Variants in LRRCC1 observed in about 807,000 individuals in gnomAD.
The protein encoded by LRRCC1 is leucine rich repeat and coiled-coil centrosomal protein 1, also known as leucine-rich repeat and coiled-coil domain-containing protein 1.
In LRRCC1, 115 loss-of-function variants were observed where a neutral mutation model predicts 126.0. The observed-to-expected ratio is 0.91, with a 90% confidence interval of 0.78 to 1.07. LRRCC1 has a LOEUF of 1.07. Ranked by LOEUF, LRRCC1 falls within the 50% of genes least tolerant of loss-of-function variation. The probability of loss-of-function intolerance (pLI) is 0.00; values close to 1 mark genes in which losing one functional copy is unlikely to be tolerated. For synonymous variants in LRRCC1, 400 were observed against 393.4 expected (o/e 1.02, Z -0.20); for missense variants, 1,172 against 1,175.7 (o/e 1.00, Z 0.05).
At position 85,115,584 on chromosome 8, in the gene LRRCC1, A is replaced by G. The variant is rs1809056105; in HGVS notation, c.930A>G (p.Glu310=). Residue 310 remains glutamate, a splice_region_variant and synonymous_variant, in exon 6 of 19, where the codon GAA becomes GAG. Coordinates refer to ENST00000360375, the MANE Select transcript of LRRCC1 (RefSeq NM_033402.5). Reference sequence around the variant, plus strand: ...ACCAAATTCTACAACTTCTAAATGAAGTAACTATTTTTCCTACTTCTCTAT... The same window carrying G: ...ACCAAATTCTACAACTTCTAAATGAGGTAACTATTTTTCCTACTTCTCTAT... The part of the protein sequence containing the change: ...LDDQILQLLN[E]TSNSIDNVLE... 1 of 1,569,896 alleles carries G rather than the reference A, an allele frequency of 6.4e-7. No individual in the cohort carries two copies. The highest frequency in any genetic ancestry group is 1.4e-5 in the African/African-American group (1 of 73,724).
chr8:85,126,518 A>G (rs1461739833), intron 8 of LRRCC1, among the ~76,000 whole-genome samples, 171 bp from the exon 9 acceptor site: 2 of 152,070 alleles, frequency 1.3e-5, no homozygotes, highest in African/African-American at 2.4e-5. Flanking sequence ...AGATCATGCC[A>G]CTCCACTCCA....
intron 6 of LRRCC1, among the ~76,000 whole-genome samples, chr8:85,116,783 A>G (rs1017749885): frequency 5.3e-5 from 8 of 152,238 alleles, no homozygotes; most frequent in African/African-American, 1.9e-4. Flanking sequence ...ATCCTGAACT[A>G]TTATTTATAT....
chr8:85,117,608 C>T (rs776968270), intron 6 of LRRCC1, among the ~76,000 whole-genome samples: 3 of 151,970 alleles, frequency 2.0e-5, no homozygotes, highest in Non-Finnish European at 4.4e-5. Context: ...TTAACCCTGC[C>T]GAACTGGGAA....
intron 6 of LRRCC1, among the ~76,000 whole-genome samples, chr8:85,116,905 C>T (rs1809168463): frequency 6.6e-6 from 1 of 151,984 alleles, no homozygotes. Context: ...TCAGTTTGAG[C>T]CAATAAGGAG....
intron 18 of LRRCC1, 69 bp downstream of exon 18, chr8:85,141,586 C>A: frequency 6.8e-6 from 8 of 1,177,382 alleles, no homozygotes; most frequent in Middle Eastern, 2.7e-4. Context: ...ATTAGATCTT[C>A]GAGAATTATA....
rs1195367932 is a variant in LRRCC1, at chr8:85,124,954, T to G, written c.1272+15T>G. 6.4e-7 allele frequency: 1 copy of G among 1,552,728 alleles called. No individual in the cohort carries two copies. The highest frequency in any genetic ancestry group is 2.1e-5 in the Admixed American group (1 of 46,816). Reference sequence around the variant, plus strand: ...ACACTTACCAGGTATGATTTAAGAGTTAAAGAAAAAATGAGTATGAATAAT... The same window carrying G: ...ACACTTACCAGGTATGATTTAAGAGGTAAAGAAAAAATGAGTATGAATAAT... On this transcript the variant is annotated intron_variant, in intron 8 of 18. Transcript: ENST00000360375.
chr8:85,139,642 G>C, intron 17 of LRRCC1, among the ~76,000 whole-genome samples: 1 of 152,152 alleles, frequency 6.6e-6, no homozygotes, highest in East Asian at 1.9e-4. Flanking sequence ...AAATGCTCAA[G>C]AGGAAATAAG....
At chr8:85,126,978 C>T (rs7845805) in intron 9 of LRRCC1, 141 bp downstream of exon 9, 59,721 of 667,024 alleles carry the variant, frequency 0.09, 7,634 homozygotes, top group African/African-American at 0.49. Flanking sequence ...TTTTATTAGA[C>T]AATTTAGCAC....
chr8:85,129,035 G>A (rs1011266769), intron 9 of LRRCC1, 140 bp from the exon 10 acceptor site: 18 of 667,292 alleles, frequency 2.7e-5, no homozygotes, highest in Admixed American at 1.9e-4. Flanking sequence ...AGTCTAGCAC[G>A]CTTTCATATA....
At chr8:85,125,923 G>A (rs1809959825) in intron 8 of LRRCC1, among the ~76,000 whole-genome samples, 1 of 151,920 alleles carries the variant, frequency 6.6e-6, no homozygotes, top group Non-Finnish European at 1.5e-5. Flanking sequence ...TTATGACTTT[G>A]GACACACTTC....
rs565219136 is a variant in LRRCC1 at position 85,141,377 on chromosome 8, T to C, written c.2841-5T>C. The C allele has an allele frequency of 6.8e-6, 11 of 1,609,440 alleles. No individual in the cohort carries two copies. In the South Asian group the frequency reaches 1.1e-4, roughly 16 times the overall value. ...TATATATGTGGATGTTCTTGTTTTT[T>C]TAAGGAATGCAATGGAAAAACTTCA... On this transcript the variant is annotated splice_polypyrimidine_tract_variant and splice_region_variant and intron_variant, in intron 17 of 18. Transcript: ENST00000360375.
chr8:85,118,805 T>C (rs1460527475), intron 6 of LRRCC1, among the ~76,000 whole-genome samples: 1 of 152,158 alleles, frequency 6.6e-6, no homozygotes, highest in African/African-American at 2.4e-5. Flanking sequence ...TTCTCCCTGT[T>C]TGTGGATCTC....
chr8:85,139,980 C>G (rs1033077595), intron 17 of LRRCC1, among the ~76,000 whole-genome samples: 7 of 152,266 alleles, frequency 4.6e-5, no homozygotes, highest in Admixed American at 1.3e-4. Context: ...AGTACTAATA[C>G]AAGAACTTTG....
intron 17 of LRRCC1, among the ~76,000 whole-genome samples, chr8:85,139,288 G>A (rs1410611733): frequency 6.6e-6 from 1 of 151,988 alleles, no homozygotes; most frequent in Non-Finnish European, 1.5e-5. Flanking sequence ...TTCCGAGACT[G>A]AGTTTCATTC....
chr8:85,111,965 C>T (rs1024028013), intron 3 of LRRCC1, among the ~76,000 whole-genome samples: 1 of 151,420 alleles, frequency 6.6e-6, no homozygotes, highest in African/African-American at 2.4e-5. Context: ...TGGGTTCCAG[C>T]GATTCTCCTG....
At position 85,126,823 on chromosome 8, in the gene LRRCC1, ACTT is replaced by A; in HGVS notation, c.1408_1410del (p.Leu470del). On this transcript the variant is annotated inframe_deletion, in exon 9 of 19. Coordinates refer to ENST00000360375, the MANE Select transcript of LRRCC1 (RefSeq NM_033402.5). ...AAGAGGATATTCATAGTCTGGCTCT[ACTT>A]ACCACAGATAGGTAAAAAGAAATTA... The A allele has an allele frequency of 1.2e-6, 2 of 1,610,042 alleles. No homozygotes were observed. The highest frequency in any genetic ancestry group is 1.7e-6 in the Non-Finnish European group (2 of 1,178,994).
Position 85,137,413 on chromosome 8 carries a change from C to T in LRRCC1, c.2330-51C>T, listed in dbSNP as rs1443135275. 5.7e-6 allele frequency: 7 copies of T among 1,231,756 alleles called. No homozygotes were observed. The Admixed American group carries it at 1.7e-4, about 30-fold the overall frequency. The allele number at this position is 1,231,756 out of a possible 1,614,324, so 76.3% of individuals were successfully genotyped here. A position where few individuals can be genotyped will look rare whatever the true frequency, so the allele number is the denominator to read the frequency against. ...CAGTTTGTTAGAGTTTAATAAGATA[C>T]AAACCCCCAAGGTGTTTCAAAGTAT... On this transcript the variant is annotated intron_variant, in intron 14 of 18. Transcript: ENST00000360375.
intron 7 of LRRCC1, 147 bp from the exon 8 acceptor site, chr8:85,124,645 T>G (rs1237203200): frequency 2.2e-6 from 1 of 447,266 alleles, no homozygotes; most frequent in Non-Finnish European, 3.9e-6. Context: ...ATTATAAAAT[T>G]TATGAAGCAG....
intron 8 of LRRCC1, 61 bp downstream of exon 8, chr8:85,125,000 A>G (rs1563942117): frequency 8.4e-7 from 1 of 1,196,378 alleles, no homozygotes; most frequent in African/African-American, 1.6e-5. Flanking sequence ...GAGTCCCAGA[A>G]AAATTATGCA....
Sources: allele counts gnomAD v4.1 joint callset (sites outside exome capture counted in the v4.1 genomes callset), GRCh38; gene constraint gnomAD v4.1.1; transcripts MANE v1.5; gene names NCBI Gene and HGNC (gene_info 2026-07-23, HGNC 2026-07-21).